Variants in LGSN observed in about 807,000 individuals in gnomAD.
LGSN encodes lengsin, lens protein with glutamine synthetase domain.
Under a neutral mutation model 19.5 loss-of-function variants are expected in LGSN, and 21 were observed. That is an observed-to-expected ratio of 1.07 (90% CI 0.76 to 1.55). LGSN has a LOEUF of 1.55. Ranked by LOEUF, LGSN falls within the 40% of genes most tolerant of loss-of-function variation. LGSN has a pLI of 0.00. For synonymous variants in LGSN, 257 were observed against 215.6 expected, an observed-to-expected ratio of 1.19 and a Z score of -1.68; for missense variants, 673 against 608.5, an observed-to-expected ratio of 1.11 and a Z score of -1.12.
At chr6:63,305,991 C>G (rs1768369236) in intron 1 of LGSN, among the ~76,000 whole-genome samples, 1 of 152,066 alleles carries the variant, frequency 6.6e-6, no homozygotes, top group African/African-American at 2.4e-5. Flanking sequence ...CGCTTAAACC[C>G]AGGAGGTGGA....
the LGSN span, among the ~76,000 whole-genome samples, chr6:63,363,836 G>T: frequency 6.6e-6 from 1 of 152,046 alleles, no homozygotes; most frequent in Non-Finnish European, 1.5e-5. Context: ...TCAAATTCAG[G>T]AAATACAGAG....
the LGSN span, among the ~76,000 whole-genome samples, chr6:63,416,706 T>A: frequency 6.6e-6 from 1 of 151,908 alleles, no homozygotes; most frequent in African/African-American, 2.4e-5. Flanking sequence ...CAGCTGGGAT[T>A]ACAGGCATCC....
chr6:63,412,596 A>G, the LGSN span, among the ~76,000 whole-genome samples: 1 of 146,518 alleles, frequency 6.8e-6, no homozygotes, highest in Non-Finnish European at 1.5e-5. Context: ...AGAGGCAAAG[A>G]AAGAGGGAAA....
At chr6:63,308,079 A>G (rs1768470122) in intron 1 of LGSN, among the ~76,000 whole-genome samples, 1 of 152,226 alleles carries the variant, frequency 6.6e-6, no homozygotes, top group Non-Finnish European at 1.5e-5. Flanking sequence ...TGGAAGAATC[A>G]TGAGCGTAAG....
intron 1 of LGSN, among the ~76,000 whole-genome samples, chr6:63,306,738 C>T (rs1297292076): frequency 2.0e-5 from 3 of 152,212 alleles, no homozygotes; most frequent in Non-Finnish European, 4.4e-5. Flanking sequence ...GGCTGGAGGG[C>T]GAACGCAGTA....
At chr6:63,438,832 G>A in the LGSN span, among the ~76,000 whole-genome samples, 1 of 152,156 alleles carries the variant, frequency 6.6e-6, no homozygotes, top group East Asian at 1.9e-4. Flanking sequence ...AATACCATTT[G>A]ACCTAGCCAT....
the LGSN span, among the ~76,000 whole-genome samples, chr6:63,409,838 C>A: frequency 6.6e-6 from 1 of 152,132 alleles, no homozygotes; most frequent in Non-Finnish European, 1.5e-5. Context: ...GAGTTCAAGA[C>A]CAGCCTGGCC....
the LGSN span, among the ~76,000 whole-genome samples, chr6:63,561,288 C>G: frequency 7.0e-4 from 107 of 152,246 alleles, no homozygotes; most frequent in Non-Finnish European, 1.3e-3. Flanking sequence ...GGAGTAATAT[C>G]AATCTGGAGA....
the LGSN span, among the ~76,000 whole-genome samples, chr6:63,422,650 C>T: frequency 2.6e-5 from 4 of 151,854 alleles, no homozygotes; most frequent in Non-Finnish European, 5.9e-5. Context: ...CCTCAAATGT[C>T]TATACAAAGA....
chr6:63,406,395 G>A, the LGSN span, among the ~76,000 whole-genome samples: 92 of 151,934 alleles, frequency 6.1e-4, no homozygotes, highest in Middle Eastern at 3.4e-3. Context: ...GCTCAACTAC[G>A]TGGAAACTGA....
the LGSN span, among the ~76,000 whole-genome samples, chr6:63,551,636 A>C: frequency 6.6e-6 from 1 of 152,092 alleles, no homozygotes; most frequent in Non-Finnish European, 1.5e-5. Flanking sequence ...TGCTGCACCC[A>C]TTAACTTGTC....
the LGSN span, among the ~76,000 whole-genome samples, chr6:63,567,932 G>T: frequency 1.3e-5 from 2 of 152,154 alleles, no homozygotes; most frequent in African/African-American, 4.8e-5. Flanking sequence ...TAAACCTCAT[G>T]AATCCACCTC....
the LGSN span, among the ~76,000 whole-genome samples, chr6:63,462,748 A>G: frequency 1.4e-4 from 21 of 151,706 alleles, no homozygotes; most frequent in African/African-American, 4.4e-4. Context: ...CGTACTTGCC[A>G]TAAGTTCAAA....
rs765404518 is a variant in LGSN at position 63,279,994 on chromosome 6, T to C, written c.*27A>G. On this transcript the variant is annotated 3_prime_UTR_variant, in exon 4 of 4. Transcript: ENST00000370657. ...ATTAGCTTTAAGTAACAATTACATGTCTAAAGGAGTAGTTGTGAGCTCTAT... is the reference window on the plus strand; with the variant it reads ...ATTAGCTTTAAGTAACAATTACATGCCTAAAGGAGTAGTTGTGAGCTCTAT... 20 of 1,540,058 alleles carry C rather than the reference T, an allele frequency of 1.3e-5. No individual in the cohort carries two copies. The highest frequency in any genetic ancestry group is 3.5e-4 in the Middle Eastern group (2 of 5,658).
At chr6:63,489,623 G>A in the LGSN span, among the ~76,000 whole-genome samples, 22 of 152,194 alleles carry the variant, frequency 1.4e-4, no homozygotes, top group African/African-American at 5.1e-4. Context: ...ACACACCTTG[G>A]CCTCCCAAAG....
At chr6:63,359,587 T>A in the LGSN span, among the ~76,000 whole-genome samples, 2 of 152,360 alleles carry the variant, frequency 1.3e-5, no homozygotes, top group Non-Finnish European at 2.9e-5. Context: ...GAGGAATTTA[T>A]CCCTTTCTTC....
the LGSN span, among the ~76,000 whole-genome samples, chr6:63,486,107 G>T: frequency 6.6e-6 from 1 of 152,084 alleles, no homozygotes; most frequent in Non-Finnish European, 1.5e-5. Context: ...AGAGGGAAAT[G>T]CTCCTTAAGA....
the LGSN span, among the ~76,000 whole-genome samples, chr6:63,506,653 T>C: frequency 5.3e-5 from 8 of 152,330 alleles, no homozygotes; most frequent in African/African-American, 1.4e-4. Flanking sequence ...ATTTTATAAA[T>C]GGTTAACCTA....
At chr6:63,478,335 G>A in the LGSN span, among the ~76,000 whole-genome samples, 2 of 152,166 alleles carry the variant, frequency 1.3e-5, no homozygotes, top group Non-Finnish European at 2.9e-5. Flanking sequence ...AAGTACGTTA[G>A]TGGTTGCCAA....
Sources: gnomAD v4.1 joint callset for allele counts (sites outside exome capture counted in the v4.1 genomes callset) on GRCh38, gnomAD v4.1.1 for gene constraint, MANE v1.5 for transcripts, NCBI Gene and HGNC (gene_info 2026-07-23, HGNC 2026-07-21) for gene names.